Variants in ST8SIA2 observed in about 807,000 individuals in gnomAD.
The protein encoded by ST8SIA2 is alpha-2,8-sialyltransferase 8B.
A neutral mutation model predicts 37.6 loss-of-function variants in ST8SIA2; 22 were observed. The ratio of observed to expected loss-of-function variants is 0.58; its 90% CI spans 0.42 to 0.83. ST8SIA2 has a LOEUF of 0.83. Among genes scored for constraint, ST8SIA2 ranks in the 40% least tolerant of loss-of-function variants. ST8SIA2 has a pLI of 0.00. For missense variants in ST8SIA2, 382 were observed against 484.7 expected (o/e 0.79, Z 1.99); for synonymous variants, 205 against 201.2 (o/e 1.02, Z -0.16).
intron 1 of ST8SIA2, among the ~76,000 whole-genome samples, chr15:92,422,991 C>T (rs1231580335): frequency 6.6e-6 from 1 of 152,242 alleles, no homozygotes; most frequent in Non-Finnish European, 1.5e-5. Flanking sequence ...CTGATACGTG[C>T]TGTGTGTCAG....
intron 1 of ST8SIA2, among the ~76,000 whole-genome samples, chr15:92,407,016 A>T (rs969980347): frequency 1.3e-4 from 18 of 141,580 alleles, no homozygotes; most frequent in South Asian, 6.4e-4. Context: ...AAAGAAAAGA[A>T]AAAAAAAAAC....
In ST8SIA2 at chr15:92,400,326, C is replaced by T. The variant is rs895740765; in HGVS notation, c.98+6164C>T. Among the ~76,000 whole-genome samples, 4 of 152,188 alleles carry T rather than the reference C, an allele frequency of 2.6e-5. No individual in the cohort carries two copies. In the South Asian group the frequency reaches 6.2e-4, roughly 24 times the overall value. On this transcript the variant is annotated intron_variant, in intron 1 of 5. Transcript: ENST00000268164. Reference sequence around the variant, plus strand: ...CCTTTATCTCCAGCCCCTGGTGATACGTATATGGTTTAGTAAATGAAGCCT... The same window carrying T: ...CCTTTATCTCCAGCCCCTGGTGATATGTATATGGTTTAGTAAATGAAGCCT...
At chr15:92,425,374 A>C (rs1447679260) in intron 1 of ST8SIA2, among the ~76,000 whole-genome samples, 1 of 152,204 alleles carries the variant, frequency 6.6e-6, no homozygotes, top group East Asian at 1.9e-4. Flanking sequence ...CAGCACATAA[A>C]CTGCAGGGAC....
intron 1 of ST8SIA2, among the ~76,000 whole-genome samples, chr15:92,403,049 G>A (rs904416217): frequency 8.5e-5 from 13 of 152,140 alleles, no homozygotes; most frequent in African/African-American, 3.1e-4. Flanking sequence ...GGAGGGGCCA[G>A]GCTTAATGCA....
intron 1 of ST8SIA2, among the ~76,000 whole-genome samples, chr15:92,414,063 C>A (rs1056664231): frequency 6.6e-6 from 1 of 152,244 alleles, no homozygotes; most frequent in Non-Finnish European, 1.5e-5. Context: ...ATTGATTCTT[C>A]TTTGTACCTC....
At chr15:92,416,855 A>C (rs1306772792) in intron 1 of ST8SIA2, among the ~76,000 whole-genome samples, 1 of 152,082 alleles carries the variant, frequency 6.6e-6, no homozygotes, top group Non-Finnish European at 1.5e-5. Context: ...CCAGCACTCC[A>C]TCCATGAAAG....
chr15:92,435,220 C>T (rs1381791832), intron 3 of ST8SIA2, among the ~76,000 whole-genome samples: 2 of 152,098 alleles, frequency 1.3e-5, no homozygotes, highest in African/African-American at 2.4e-5. Flanking sequence ...TGAGGTGGTG[C>T]TGCATCTTAC....
intron 5 of ST8SIA2, among the ~76,000 whole-genome samples, chr15:92,463,263 A>G (rs1409887773): frequency 6.6e-6 from 1 of 152,204 alleles, no homozygotes; most frequent in Non-Finnish European, 1.5e-5. Context: ...TAACCCTTTA[A>G]CAGACGACTT....
At chr15:92,455,720 A>G (rs1040396569) in intron 5 of ST8SIA2, among the ~76,000 whole-genome samples, 1 of 152,228 alleles carries the variant, frequency 6.6e-6, no homozygotes, top group Non-Finnish European at 1.5e-5. Flanking sequence ...AGTATAATCA[A>G]TGCTACATCG....
chr15:92,404,834 CAA>C (rs34778008), intron 1 of ST8SIA2, among the ~76,000 whole-genome samples: 7 of 111,290 alleles, frequency 6.3e-5, no homozygotes, highest in African/African-American at 3.8e-5. Flanking sequence ...GACTCCATCT[CAA>C]AAAAAAAAAA....
intron 1 of ST8SIA2, among the ~76,000 whole-genome samples, chr15:92,400,789 C>A (rs1265834610): frequency 1.3e-5 from 2 of 152,186 alleles, no homozygotes; most frequent in Non-Finnish European, 2.9e-5. Context: ...CCCCGTCTAC[C>A]TTAATCCCCT....
intron 4 of ST8SIA2, among the ~76,000 whole-genome samples, chr15:92,442,723 A>C (rs1267140508): frequency 6.6e-6 from 1 of 152,194 alleles, no homozygotes; most frequent in Non-Finnish European, 1.5e-5. Flanking sequence ...AGGGCTCCTG[A>C]AGGTGAATTG....
Position 92,464,424 on chromosome 15 carries a change from G to A in ST8SIA2, c.*39G>A. On this transcript the variant is annotated 3_prime_UTR_variant, in exon 6 of 6. Transcript: ENST00000268164. ...TGGGACTCAGTGGCTCACATTTCCTGCCAGCTACACCACAGGCAGATGGGA... is the reference window on the plus strand; with the variant it reads ...TGGGACTCAGTGGCTCACATTTCCTACCAGCTACACCACAGGCAGATGGGA... 6.2e-7 allele frequency: 1 copy of A among 1,611,206 alleles called. No homozygotes were observed. The highest frequency in any genetic ancestry group is 1.3e-5 in the African/African-American group (1 of 74,968).
chr15:92,397,702 T>G (rs2141793541), intron 1 of ST8SIA2, among the ~76,000 whole-genome samples: 1 of 152,314 alleles, frequency 6.6e-6, no homozygotes, highest in South Asian at 2.1e-4. Context: ...ACTAGGGGAT[T>G]GTGAGGCGTA....
intron 1 of ST8SIA2, among the ~76,000 whole-genome samples, chr15:92,413,173 T>C (rs1293362855): frequency 6.6e-6 from 1 of 152,070 alleles, no homozygotes; most frequent in Non-Finnish European, 1.5e-5. Flanking sequence ...CGTTGCAGAG[T>C]AGGTGCTCCA....
intron 1 of ST8SIA2, among the ~76,000 whole-genome samples, chr15:92,407,774 G>A (rs2049519310): frequency 6.6e-6 from 1 of 152,164 alleles, no homozygotes; most frequent in Admixed American, 6.5e-5. Context: ...GAATTTAATT[G>A]TATTTATTTT....
intron 5 of ST8SIA2, among the ~76,000 whole-genome samples, chr15:92,452,508 C>T (rs771276017): frequency 6.6e-6 from 1 of 152,142 alleles, no homozygotes; most frequent in Non-Finnish European, 1.5e-5. Context: ...ATTTTCTAAA[C>T]AGGAGGAAAG....
chr15:92,463,590 C>A (rs1477498626), intron 5 of ST8SIA2, among the ~76,000 whole-genome samples: 1 of 152,256 alleles, frequency 6.6e-6, no homozygotes, highest in African/African-American at 2.4e-5. Flanking sequence ...CAGCAAACTG[C>A]TGCTCAAGGG....
intron 3 of ST8SIA2, among the ~76,000 whole-genome samples, chr15:92,435,792 C>T (rs2049752705): frequency 6.6e-6 from 1 of 152,272 alleles, no homozygotes; most frequent in African/African-American, 2.4e-5. Flanking sequence ...GCCCTAACAA[C>T]CGCCCCCTTT....
Sources: allele counts gnomAD v4.1 joint callset (sites outside exome capture counted in the v4.1 genomes callset), GRCh38; gene constraint gnomAD v4.1.1; transcripts MANE v1.5; gene names NCBI Gene and HGNC (gene_info 2026-07-23, HGNC 2026-07-21).